The following PDE4B variants were observed in gnomAD, a reference collection of about 807,000 sequenced individuals.
PDE4B encodes 3',5'-cyclic-AMP phosphodiesterase 4B.
In PDE4B, 20 loss-of-function variants were observed where a neutral mutation model predicts 82.2. That is an observed-to-expected ratio of 0.24 (90% CI 0.17 to 0.35). The LOEUF (loss-of-function observed/expected upper bound fraction) is 0.35. Among genes scored for constraint, PDE4B ranks in the 10% least tolerant of loss-of-function variants. The pLI, the probability that PDE4B is intolerant of heterozygous loss-of-function variation, is 1.00. For missense variants in PDE4B, 655 were observed against 907.2 expected (o/e 0.72, Z 3.57); for synonymous variants, 320 against 318.9 (o/e 1.00, Z -0.04).
intron 3 of PDE4B, among the ~76,000 whole-genome samples, chr1:65,990,665 A>T (rs945239560): frequency 2.6e-5 from 4 of 152,206 alleles, no homozygotes; most frequent in African/African-American, 9.6e-5. Context: ...GAACAAAATT[A>T]CAATTTTGTA....
intron 3 of PDE4B, among the ~76,000 whole-genome samples, chr1:66,085,268 G>A (rs961504929): frequency 1.3e-5 from 2 of 152,146 alleles, no homozygotes; most frequent in Admixed American, 6.6e-5. Flanking sequence ...TAGGGAGTAA[G>A]TGGATGAACC....
At chr1:65,972,866 T>C (rs997864455) in intron 3 of PDE4B, among the ~76,000 whole-genome samples, 3 of 152,224 alleles carry the variant, frequency 2.0e-5, no homozygotes, top group African/African-American at 7.2e-5. Flanking sequence ...TGGAATCAAA[T>C]GTTTGTTGAA....
At chr1:66,198,163 G>A (rs1008861119) in intron 3 of PDE4B, among the ~76,000 whole-genome samples, 3 of 152,004 alleles carry the variant, frequency 2.0e-5, no homozygotes, top group East Asian at 1.9e-4. Flanking sequence ...CAAACCAAGC[G>A]GCTAATATTC....
At chr1:66,280,789 G>A (rs188743068) in intron 7 of PDE4B, among the ~76,000 whole-genome samples, 18 of 152,052 alleles carry the variant, frequency 1.2e-4, no homozygotes, top group African/African-American at 3.4e-4. Context: ...CTATGTTTCC[G>A]GTAAGTCTTT....
chr1:66,046,322 A>G (rs1654711078), intron 3 of PDE4B: 1 of 151,856 alleles, frequency 6.6e-6, no homozygotes, highest in African/African-American at 2.4e-5. Flanking sequence ...TTTATTTAAA[A>G]TGAGAGAATA....
intron 1 of PDE4B, among the ~76,000 whole-genome samples, chr1:65,861,249 TTCTC>T (rs1186171922): frequency 6.6e-6 from 1 of 152,222 alleles, no homozygotes; most frequent in Admixed American, 6.5e-5. Context: ...GGAGTGCAGT[TTCTC>T]TCTTCTGCAT....
chr1:65,962,542 T>A (rs11799487), intron 3 of PDE4B, among the ~76,000 whole-genome samples: 132 of 152,256 alleles, frequency 8.7e-4, no homozygotes, highest in African/African-American at 3.0e-3. Context: ...AAACTGTTGC[T>A]AGTCCATGAA....
intron 3 of PDE4B, chr1:66,050,558 G>T (rs375147349): frequency 6.6e-6 from 1 of 152,042 alleles, no homozygotes; most frequent in African/African-American, 2.4e-5. Context: ...TCGCAATGCC[G>T]TATAGACTTT....
At chr1:66,245,084 A>G (rs1653199210) in intron 3 of PDE4B, among the ~76,000 whole-genome samples, 1 of 152,182 alleles carries the variant, frequency 6.6e-6, no homozygotes, top group Non-Finnish European at 1.5e-5. Flanking sequence ...AGATTTTAGC[A>G]CAGATACACA....
rs541234254 is a variant in PDE4B at position 66,066,975 on chromosome 1, A to G, written c.281+148140A>G. Among the ~76,000 whole-genome samples, 3 of 152,128 alleles carry G rather than the reference A, an allele frequency of 2.0e-5. No individual in the cohort carries two copies. In the South Asian group the frequency reaches 6.2e-4, roughly 32 times the overall value. On this transcript the variant is annotated intron_variant, in intron 3 of 16. Transcript: ENST00000341517. The stretch of plus-strand genomic sequence containing the variant: ...CTTTTTTGGTTCAGAGCAGTTTTAG[A>G]TACATTTAAGCTGATATTTTTATTT...
intron 3 of PDE4B, among the ~76,000 whole-genome samples, chr1:66,054,062 C>A (rs1274995480): frequency 6.6e-6 from 1 of 152,112 alleles, no homozygotes; most frequent in Non-Finnish European, 1.5e-5. Context: ...AAGCACCTAG[C>A]TCTTCTGTTT....
intron 3 of PDE4B, among the ~76,000 whole-genome samples, chr1:66,122,577 G>C (rs1410302001): frequency 3.9e-5 from 6 of 152,002 alleles, no homozygotes; most frequent in Non-Finnish European, 7.4e-5. Context: ...ACTTTTAGAA[G>C]ACTATGGCCA....
intron 1 of PDE4B, among the ~76,000 whole-genome samples, chr1:65,811,459 T>A (rs1645818100): frequency 6.6e-6 from 1 of 152,244 alleles, no homozygotes. Context: ...ATTAAGCAAA[T>A]GACCCATTTT....
At chr1:65,925,740 C>T (rs1342733159) in intron 3 of PDE4B, among the ~76,000 whole-genome samples, 1 of 152,134 alleles carries the variant, frequency 6.6e-6, no homozygotes, top group Non-Finnish European at 1.5e-5. Flanking sequence ...TTTGTAGGCA[C>T]AGTTTAAGGT....
rs116790138 is a variant in PDE4B, at chr1:66,109,507, G to A, written c.282-137953G>A. Among the ~76,000 whole-genome samples the A allele has an allele frequency of 3.6e-3, 543 of 151,774 alleles. 5 individuals are homozygous for A. Among genetic ancestry groups the A allele is most frequent in the African/African-American group, 0.012 (514 of 41,454 alleles). ...AAAAAATTGTTCCAAGAAGTTTTAA[G>A]CACATTATAGATATGAATTAACTGC... On this transcript the variant is annotated intron_variant, in intron 3 of 16. Coordinates refer to ENST00000341517, the MANE Select transcript of PDE4B (RefSeq NM_002600.4).
chr1:66,045,779 A>G (rs763716168), intron 3 of PDE4B, among the ~76,000 whole-genome samples: 37 of 151,414 alleles, frequency 2.4e-4, no homozygotes, highest in Non-Finnish European at 3.2e-4. Context: ...ACCATGATTA[A>G]GAGTCTGACT....
chr1:66,367,238 C>A (rs1663318627), intron 13 of PDE4B, among the ~76,000 whole-genome samples: 1 of 152,078 alleles, frequency 6.6e-6, no homozygotes, highest in Non-Finnish European at 1.5e-5. Flanking sequence ...TATCTTTAAC[C>A]ATCCAAAATT....
chr1:65,933,863 A>G (rs1280268446), intron 3 of PDE4B, among the ~76,000 whole-genome samples: 4 of 152,212 alleles, frequency 2.6e-5, no homozygotes, highest in Admixed American at 6.5e-5. Context: ...ATCACTTTTA[A>G]TTATAAAGTT....
chr1:66,273,072 C>A (rs1168217978), intron 7 of PDE4B, among the ~76,000 whole-genome samples: 2 of 152,062 alleles, frequency 1.3e-5, no homozygotes, highest in Non-Finnish European at 2.9e-5. Context: ...TTCTTATAAA[C>A]CCCAGTTATG....
Sources: allele counts gnomAD v4.1 joint callset (sites outside exome capture counted in the v4.1 genomes callset), GRCh38; gene constraint gnomAD v4.1.1; transcripts MANE v1.5; gene names NCBI Gene and HGNC (gene_info 2026-07-23, HGNC 2026-07-21).